GPC5: variants seen among roughly 807,000 people sequenced by gnomAD.
GPC5 encodes the protein glypican 5.
GPC5 carries 47 observed loss-of-function variants against 53.9 expected under a neutral mutation model. The ratio of observed to expected loss-of-function variants is 0.87; its 90% CI spans 0.69 to 1.11. The LOEUF is 1.11. Among genes scored for constraint, GPC5 ranks in the 50% most tolerant of loss-of-function variants. The pLI is 0.00. For missense variants in GPC5, 748 were observed against 713.1 expected, an observed-to-expected ratio of 1.05 and a Z score of -0.56; for synonymous variants, 286 against 263.3, an observed-to-expected ratio of 1.09 and a Z score of -0.84.
intron 3 of GPC5, among the ~76,000 whole-genome samples, chr13:91,719,996 C>T (rs534798811): frequency 3.3e-5 from 5 of 152,294 alleles, no homozygotes; most frequent in African/African-American, 1.2e-4. Context: ...GACACTTCCA[C>T]ACTATGGAAA....
chr13:91,457,712 A>G (rs989933039), intron 2 of GPC5, among the ~76,000 whole-genome samples: 2 of 152,112 alleles, frequency 1.3e-5, no homozygotes. Context: ...TAATAGTAAA[A>G]CTTGTATCTA....
chr13:91,994,956 T>G (rs1296658182), intron 6 of GPC5: 1 of 151,328 alleles, frequency 6.6e-6, no homozygotes, highest in Non-Finnish European at 1.5e-5. Context: ...ACCTGCAAAC[T>G]TACCTTTTTT....
intron 7 of GPC5, among the ~76,000 whole-genome samples, chr13:92,558,838 G>A (rs1417354752): frequency 6.6e-6 from 1 of 151,980 alleles, no homozygotes; most frequent in East Asian, 1.9e-4. Flanking sequence ...CCACATGCAG[G>A]CAATGACATA....
chr13:92,278,652 T>G (rs1220166043), intron 7 of GPC5, among the ~76,000 whole-genome samples: 1 of 152,076 alleles, frequency 6.6e-6, no homozygotes, highest in East Asian at 1.9e-4. Context: ...TTCAATAGTT[T>G]TATACTTTTA....
At chr13:92,788,174 G>A (rs1295055336) in intron 7 of GPC5, among the ~76,000 whole-genome samples, 1 of 151,790 alleles carries the variant, frequency 6.6e-6, no homozygotes, top group Non-Finnish European at 1.5e-5. Context: ...AAACACTTTT[G>A]AACACATAAT....
intron 2 of GPC5, among the ~76,000 whole-genome samples, chr13:91,584,831 G>A (rs546481317): frequency 2.3e-4 from 35 of 152,138 alleles, no homozygotes; most frequent in South Asian, 4.2e-4. Flanking sequence ...CTGCCCGCCC[G>A]GTCTCCCAAA....
At chr13:91,922,618 A>G (rs2039726862) in intron 6 of GPC5, among the ~76,000 whole-genome samples, 1 of 152,208 alleles carries the variant, frequency 6.6e-6, no homozygotes, top group African/African-American at 2.4e-5. Context: ...GAACACATGT[A>G]TTCTTATGTT....
At chr13:92,672,506 C>A (rs1886785964) in intron 7 of GPC5, among the ~76,000 whole-genome samples, 1 of 152,104 alleles carries the variant, frequency 6.6e-6, no homozygotes, top group Non-Finnish European at 1.5e-5. Context: ...ACAGAAATAG[C>A]ATTTGACCCA....
intron 7 of GPC5, among the ~76,000 whole-genome samples, chr13:92,261,089 G>A (rs1004023648): frequency 3.9e-5 from 6 of 152,026 alleles, no homozygotes; most frequent in Non-Finnish European, 1.5e-5. Flanking sequence ...CATGTTGTAA[G>A]CATCTTTCTT....
chr13:92,013,016 C>G (rs1000443288), intron 6 of GPC5, among the ~76,000 whole-genome samples: 7 of 152,186 alleles, frequency 4.6e-5, no homozygotes, highest in African/African-American at 1.7e-4. Flanking sequence ...CCCGAAGCCC[C>G]AGAGGGCATG....
At chr13:92,264,878 CTGTGTGTGTGTGTGTGTGTGTGTGTGTG>C (rs71815584) in intron 7 of GPC5, among the ~76,000 whole-genome samples, 2 of 104,718 alleles carry the variant, frequency 1.9e-5, no homozygotes, top group Non-Finnish European at 3.9e-5. Context: ...CTCTCTCTCT[CTGTGTGTGTGTGTGTGTGTGTGTGTGTG>C]TGTGTGTGTG....
At chr13:91,623,421 G>A (rs917571438) in intron 2 of GPC5, among the ~76,000 whole-genome samples, 2 of 152,100 alleles carry the variant, frequency 1.3e-5, no homozygotes, top group Admixed American at 1.3e-4. Flanking sequence ...AGGGGATGAG[G>A]GCAAGAGGAT....
At chr13:91,491,011 C>T (rs909968175) in intron 2 of GPC5, among the ~76,000 whole-genome samples, 7 of 152,102 alleles carry the variant, frequency 4.6e-5, no homozygotes, top group Non-Finnish European at 1.0e-4. Context: ...TCTGCTTCAA[C>T]CTCTACCTTA....
chr13:92,602,412 G>A (rs990013619), intron 7 of GPC5, among the ~76,000 whole-genome samples: 3 of 151,416 alleles, frequency 2.0e-5, no homozygotes, highest in South Asian at 2.1e-4. Context: ...GAACTGTGCC[G>A]ACTTAGAGCT....
chr13:91,430,007 A>G (rs2083079993), intron 1 of GPC5, among the ~76,000 whole-genome samples: 1 of 152,152 alleles, frequency 6.6e-6, no homozygotes, highest in African/African-American at 2.4e-5. Flanking sequence ...AAGAGTCAAG[A>G]AACTATGTTT....
intron 4 of GPC5, 105 bp from the exon 5 acceptor site, chr13:91,756,190 T>C: frequency 1.3e-6 from 1 of 747,556 alleles, no homozygotes; most frequent in Non-Finnish European, 1.9e-6. Context: ...TGCATAACAA[T>C]ATAAAAATTA....
chr13:92,639,972 T>TCTC (rs1555297992), intron 7 of GPC5, among the ~76,000 whole-genome samples: 2 of 148,448 alleles, frequency 1.3e-5, no homozygotes, highest in African/African-American at 4.9e-5. Context: ...ATTTTTTTTT[T>TCTC]TCTCTCTCTC....
chr13:92,547,989 C>T (rs1351818391), intron 7 of GPC5, among the ~76,000 whole-genome samples: 1 of 133,202 alleles, frequency 7.5e-6, no homozygotes, highest in East Asian at 2.4e-4. Context: ...GCCACCACGC[C>T]TGGCTAATTT....
intron 6 of GPC5, among the ~76,000 whole-genome samples, chr13:92,091,120 T>C (rs1261622039): frequency 6.6e-6 from 1 of 152,168 alleles, no homozygotes; most frequent in Non-Finnish European, 1.5e-5. Flanking sequence ...TGGTATTCTG[T>C]TACAGCAGCT....
Sources: allele counts gnomAD v4.1 joint callset (sites outside exome capture counted in the v4.1 genomes callset), GRCh38; gene constraint gnomAD v4.1.1; transcripts MANE v1.5; gene names NCBI Gene and HGNC (gene_info 2026-07-23, HGNC 2026-07-21).